The following CDCA2 variants were observed in gnomAD, a reference collection of about 807,000 sequenced individuals.
CDCA2 encodes the protein cell division cycle associated 2, also known as cell division cycle-associated protein 2.
Under a neutral mutation model 67.0 loss-of-function variants are expected in CDCA2, and 44 were observed. That is an observed-to-expected ratio of 0.66 (90% CI 0.52 to 0.84). The LOEUF (loss-of-function observed/expected upper bound fraction) is 0.84. Among genes scored for constraint, CDCA2 ranks in the 40% least tolerant of loss-of-function variants. The pLI, the probability that CDCA2 is intolerant of heterozygous loss-of-function variation, is 0.00. For missense variants in CDCA2, 1,253 were observed against 1,203.2 expected (o/e 1.04, Z -0.61); for synonymous variants, 447 against 418.7 (o/e 1.07, Z -0.82).
At chr8:25,499,773 C>A (rs542738323) in intron 13 of CDCA2, among the ~76,000 whole-genome samples, 1 of 152,234 alleles carries the variant, frequency 6.6e-6, no homozygotes, top group East Asian at 1.9e-4. Context: ...TAGGGACAAT[C>A]CCTTCAGTTG....
At chr8:25,459,777 G>C (rs1290018774) in intron 1 of CDCA2, among the ~76,000 whole-genome samples, 1 of 152,074 alleles carries the variant, frequency 6.6e-6, no homozygotes. Flanking sequence ...TTAAAAGTAC[G>C]CGCTTAGAGT....
chr8:25,476,195 G>T (rs749213373), intron 7 of CDCA2, among the ~76,000 whole-genome samples: 7 of 152,172 alleles, frequency 4.6e-5, no homozygotes, highest in Admixed American at 2.0e-4. Flanking sequence ...ATTTCTCTGG[G>T]AACAGGGAAT....
chr8:25,486,244 C>G (rs1337948056), intron 11 of CDCA2, among the ~76,000 whole-genome samples: 2 of 152,208 alleles, frequency 1.3e-5, no homozygotes, highest in Non-Finnish European at 2.9e-5. Context: ...TCCAAGGTCT[C>G]TGGATTTTTT....
At chr8:25,489,353 T>G (rs989337691) in intron 13 of CDCA2, among the ~76,000 whole-genome samples, 1 of 151,810 alleles carries the variant, frequency 6.6e-6, no homozygotes, top group African/African-American at 2.4e-5. Flanking sequence ...TACTCTGCAG[T>G]TCCTTCTGTA....
Position 25,503,447 on chromosome 8 carries a change from C to T in CDCA2, c.1746C>T (p.Asp582=). ...AGAAATCTTTATATGGGGAAAGAGA[C>T]ATTGCTTCTAAGAAGCCCCTCCTCA... ...SVQKSLYGER[D]IASKKPLLSP... is the part of the protein sequence containing the mutation. The change falls in exon 14 of 15, where the codon GAC becomes GAT. Residue 582 remains aspartate (D), a synonymous_variant. Coordinates refer to ENST00000330560, the MANE Select transcript of CDCA2 (RefSeq NM_152562.4). The T allele has an allele frequency of 6.2e-7, 1 of 1,613,848 alleles. No individual in the cohort carries two copies. The highest frequency in any genetic ancestry group is 1.1e-5 in the South Asian group (1 of 91,066).
In CDCA2 at chr8:25,480,053, A is replaced by AC; in HGVS notation, c.966dup (p.Lys323GlnfsTer15). On this transcript the variant is annotated frameshift_variant, in exon 8 of 15. Coordinates refer to ENST00000330560, the MANE Select transcript of CDCA2 (RefSeq NM_152562.4). LOFTEE classifies it high-confidence loss of function. The stretch of plus-strand genomic sequence containing the variant: ...TCCAGCCTGCAGGAGGGACCTTCCC[A>AC]CCCCCAAGACCTTTGTACTTCGTTC... The AC allele has an allele frequency of 6.2e-7, 1 of 1,614,022 alleles. No individual in the cohort carries two copies. The highest frequency in any genetic ancestry group is 8.5e-7 in the Non-Finnish European group (1 of 1,180,012).
intron 13 of CDCA2, among the ~76,000 whole-genome samples, chr8:25,502,900 G>A (rs1011842180): frequency 6.6e-6 from 1 of 152,062 alleles, no homozygotes; most frequent in Non-Finnish European, 1.5e-5. Flanking sequence ...TCCTACCCTC[G>A]ATTTAGATGC....
intron 4 of CDCA2, among the ~76,000 whole-genome samples, chr8:25,464,912 A>C (rs576459903): frequency 6.6e-6 from 1 of 152,172 alleles, no homozygotes; most frequent in Non-Finnish European, 1.5e-5. Context: ...AGAGAATCAA[A>C]TGTGTGAACA....
At chr8:25,495,374 T>G (rs1033223711) in intron 13 of CDCA2, among the ~76,000 whole-genome samples, 1 of 152,024 alleles carries the variant, frequency 6.6e-6, no homozygotes, top group Non-Finnish European at 1.5e-5. Flanking sequence ...CTTAACTTCA[T>G]TAAGAATTTT....
chr8:25,500,575 TA>T (rs780104507), intron 13 of CDCA2, among the ~76,000 whole-genome samples: 28 of 152,104 alleles, frequency 1.8e-4, no homozygotes, highest in Admixed American at 1.3e-4. Flanking sequence ...GGTGCAATCA[TA>T]ACTCACCGCC....
chr8:25,503,417 T>C lies in CDCA2; in HGVS notation c.1716T>C (p.Ser572=). ...CRKKKGKGKK[S]VQKSLYGERD... is the part of the protein sequence containing the mutation. ...AGAAGAAAGGAAAGGGAAAGAAAAGTGTTCAGAAATCTTTATATGGGGAAA... is the reference window on the plus strand; with the variant it reads ...AGAAGAAAGGAAAGGGAAAGAAAAGCGTTCAGAAATCTTTATATGGGGAAA... The change falls in exon 14 of 15, where the codon AGT becomes AGC. Residue 572 remains serine, a synonymous_variant. Coordinates refer to ENST00000330560, the MANE Select transcript of CDCA2 (RefSeq NM_152562.4). 4.3e-6 allele frequency: 7 copies of C among 1,614,108 alleles called. No homozygotes were observed. Among genetic ancestry groups the C allele is most frequent in the Non-Finnish European group, 5.1e-6 (6 of 1,179,954 alleles).
At chr8:25,485,958 C>T in intron 11 of CDCA2, 121 bp downstream of exon 11, 2 of 539,640 alleles carry the variant, frequency 3.7e-6, no homozygotes, top group Non-Finnish European at 6.4e-6. Context: ...GGTTTAAAAA[C>T]ACCTAATAGT....
rs1234128281 is a variant in CDCA2, at chr8:25,503,489, G to T, written c.1788G>T (p.Leu596=). The change falls in exon 14 of 15, where the codon CTG becomes CTT. Residue 596 remains leucine, a synonymous_variant. Coordinates refer to ENST00000330560, the MANE Select transcript of CDCA2 (RefSeq NM_152562.4). ...KKPLLSPIPE[L]PEVPEMTPSI... is the part of the protein sequence containing the mutation. The stretch of plus-strand genomic sequence containing the variant: ...CCCTCCTCAGTCCTATTCCCGAGCT[G>T]CCTGAAGTCCCTGAGATGACACCTT... 6.2e-6 allele frequency: 10 copies of T among 1,613,998 alleles called. No individual in the cohort carries two copies. In the Admixed American group the frequency reaches 8.3e-5, roughly 13 times the overall value.
chr8:25,497,159 T>C (rs1030964681), intron 13 of CDCA2, among the ~76,000 whole-genome samples: 28 of 152,216 alleles, frequency 1.8e-4, no homozygotes, highest in Middle Eastern at 6.8e-3. Flanking sequence ...AAATAATCCA[T>C]TTTCACAAGC....
chr8:25,492,450 G>A (rs574115635), intron 13 of CDCA2, among the ~76,000 whole-genome samples: 74 of 152,162 alleles, frequency 4.9e-4, no homozygotes, highest in African/African-American at 1.7e-3. Flanking sequence ...GCTAAAAAAC[G>A]GAAAAGACCT....
At chr8:25,480,269 T>C in intron 8 of CDCA2, 145 bp downstream of exon 8, 1 of 678,666 alleles carries the variant, frequency 1.5e-6, no homozygotes, top group Non-Finnish European at 2.4e-6. Flanking sequence ...TCATCTTTTC[T>C]TATTAACAAC....
At position 25,487,277 on chromosome 8, in the gene CDCA2, T is replaced by G. The variant is rs148885286; in HGVS notation, c.1476T>G (p.His492Gln). ...ATACCTTTAGTTCTTCAAATAACCA[T>G]GAGAAAATATCCTCTCCTAAAGTTG... is the stretch of plus-strand genomic sequence containing the variant. ...GTDTFSSSNN[H>Q]EKISSPKVGR... The change falls in exon 12 of 15, where the codon CAT becomes CAG. Residue 492 changes from histidine to glutamine, a missense_variant. His to Gln is a conservative substitution (Grantham distance 24). Transcript: ENST00000330560. 6.2e-7 allele frequency: 1 copy of G among 1,611,650 alleles called. No individual in the cohort carries two copies. The highest frequency in any genetic ancestry group is 1.3e-5 in the African/African-American group (1 of 74,876).
At chr8:25,487,855 G>A (rs1205611552) in intron 12 of CDCA2, among the ~76,000 whole-genome samples, 3 of 152,202 alleles carry the variant, frequency 2.0e-5, no homozygotes, top group African/African-American at 7.2e-5. Flanking sequence ...TTTCAGAGCT[G>A]TGTTAACATG....
intron 8 of CDCA2, among the ~76,000 whole-genome samples, chr8:25,482,095 T>C (rs938322213): frequency 6.6e-6 from 1 of 152,232 alleles, no homozygotes; most frequent in Non-Finnish European, 1.5e-5. Flanking sequence ...TGTCTCCTGC[T>C]GAGCTCCAGG....
Sources: gnomAD v4.1 joint callset for allele counts (sites outside exome capture counted in the v4.1 genomes callset) on GRCh38, gnomAD v4.1.1 for gene constraint, MANE v1.5 for transcripts, NCBI Gene and HGNC (gene_info 2026-07-23, HGNC 2026-07-21) for gene names.